The following SLC24A2 variants were observed in gnomAD, a reference collection of about 807,000 sequenced individuals.
The protein encoded by SLC24A2 is solute carrier family 24 member 2.
SLC24A2 carries 36 observed loss-of-function variants against 62.0 expected under a neutral mutation model. The observed-to-expected ratio is 0.58, with a 90% CI of 0.44 to 0.77. SLC24A2 has a LOEUF of 0.77. Ranked by LOEUF, SLC24A2 falls within the 30% of genes least tolerant of loss-of-function variation. SLC24A2 has a pLI of 0.00. For missense variants in SLC24A2, 846 were observed against 817.9 expected (o/e 1.03, Z -0.42); for synonymous variants, 358 against 294.0 (o/e 1.22, Z -2.23).
intron 2 of SLC24A2, among the ~76,000 whole-genome samples, chr9:19,734,973 C>A (rs1162312739): frequency 6.6e-6 from 1 of 151,990 alleles, no homozygotes; most frequent in Non-Finnish European, 1.5e-5. Context: ...GTCTAAAACA[C>A]CAAAAGCAAT....
At chr9:19,934,515 T>G in the SLC24A2 span, among the ~76,000 whole-genome samples, 1 of 151,838 alleles carries the variant, frequency 6.6e-6, no homozygotes, top group Non-Finnish European at 1.5e-5. This position sits in a 1 kb window ranked among gnomAD's most constrained non-coding sequence, Gnocchi z 4.1. Context: ...CGCACCCCCG[T>G]TCCGGCCCCC....
intron 2 of SLC24A2, among the ~76,000 whole-genome samples, chr9:19,769,188 C>A (rs2118885222): frequency 6.6e-6 from 1 of 152,328 alleles, no homozygotes; most frequent in East Asian, 1.9e-4. Flanking sequence ...CTTCTAGTTA[C>A]ACAGGACAAA....
the SLC24A2 span, among the ~76,000 whole-genome samples, chr9:19,960,899 G>A: frequency 1.3e-5 from 2 of 152,012 alleles, no homozygotes; most frequent in East Asian, 3.9e-4. Flanking sequence ...TAAATTATTG[G>A]CTATATCATC....
intron 2 of SLC24A2, among the ~76,000 whole-genome samples, chr9:19,687,901 A>T (rs890569975): frequency 6.4e-4 from 98 of 152,238 alleles, no homozygotes; most frequent in African/African-American, 2.2e-3. Context: ...CAGACAAGGC[A>T]GTTCAGTGGG....
At chr9:20,265,533 G>A in the SLC24A2 span, among the ~76,000 whole-genome samples, 82 of 152,218 alleles carry the variant, frequency 5.4e-4, 1 homozygote, top group Non-Finnish European at 3.4e-4. Context: ...TGATTTCCTA[G>A]GCCTGTCTTT....
intron 7 of SLC24A2, among the ~76,000 whole-genome samples, chr9:19,552,574 A>G (rs1020057747): frequency 6.6e-6 from 1 of 151,980 alleles, no homozygotes; most frequent in Admixed American, 6.6e-5. Flanking sequence ...CAAGCTGATG[A>G]GTTCATTAAG....
chr9:19,651,821 C>A (rs1045047273), intron 2 of SLC24A2, among the ~76,000 whole-genome samples: 6 of 152,188 alleles, frequency 3.9e-5, no homozygotes, highest in African/African-American at 1.4e-4. Context: ...AGCATCTACC[C>A]GCTCCTGATT....
chr9:19,783,845 A>G (rs1823084409), intron 2 of SLC24A2, among the ~76,000 whole-genome samples: 1 of 152,056 alleles, frequency 6.6e-6, no homozygotes, highest in Non-Finnish European at 1.5e-5. Context: ...TACTTCCATT[A>G]GTTAACCAAT....
chr9:20,013,376 G>A, the SLC24A2 span, among the ~76,000 whole-genome samples: 1 of 152,078 alleles, frequency 6.6e-6, no homozygotes, highest in Non-Finnish European at 1.5e-5. Flanking sequence ...AGTAAAATTA[G>A]AGCCTTATAG....
the SLC24A2 span, among the ~76,000 whole-genome samples, chr9:20,242,129 A>G: frequency 6.6e-6 from 1 of 152,036 alleles, no homozygotes; most frequent in Non-Finnish European, 1.5e-5. Flanking sequence ...GCCACAGGAG[A>G]TTTGACATTC....
the SLC24A2 span, among the ~76,000 whole-genome samples, chr9:20,254,096 CA>C: frequency 6.6e-6 from 1 of 152,200 alleles, no homozygotes; most frequent in Non-Finnish European, 1.5e-5. Flanking sequence ...TTTCAGAATT[CA>C]GACCTGCTTT....
chr9:20,223,896 G>C, the SLC24A2 span, among the ~76,000 whole-genome samples: 1 of 152,118 alleles, frequency 6.6e-6, no homozygotes, highest in East Asian at 1.9e-4. Flanking sequence ...GTTCTGCATG[G>C]CTGAGGAGGC....
intron 8 of SLC24A2, among the ~76,000 whole-genome samples, chr9:19,536,886 T>C (rs1227875575): frequency 7.4e-5 from 9 of 120,830 alleles, no homozygotes; most frequent in Non-Finnish European, 1.2e-4. Flanking sequence ...ATTTTAATGA[T>C]TGCCATTCTA....
chr9:19,778,559 G>C (rs1055202329), intron 2 of SLC24A2, among the ~76,000 whole-genome samples: 2 of 152,182 alleles, frequency 1.3e-5, no homozygotes, highest in African/African-American at 4.8e-5. Context: ...GAAGAAAGAT[G>C]AATCTCCCTT....
chr9:20,074,422 G>T, the SLC24A2 span, among the ~76,000 whole-genome samples: 13 of 151,942 alleles, frequency 8.6e-5, no homozygotes, highest in South Asian at 2.7e-3. Flanking sequence ...TAACCATGGA[G>T]TCCAACAATT....
chr9:20,015,283 G>T, the SLC24A2 span, among the ~76,000 whole-genome samples: 1 of 152,204 alleles, frequency 6.6e-6, no homozygotes, highest in African/African-American at 2.4e-5. Context: ...GCTGGAACCT[G>T]CATCAGCCTC....
intron 2 of SLC24A2, among the ~76,000 whole-genome samples, chr9:19,729,151 G>T (rs1402668694): frequency 6.6e-6 from 1 of 152,134 alleles, no homozygotes; most frequent in Non-Finnish European, 1.5e-5. Flanking sequence ...CCACATCACT[G>T]ATCAGGGAAA....
At chr9:19,959,161 T>A in the SLC24A2 span, among the ~76,000 whole-genome samples, 1 of 152,124 alleles carries the variant, frequency 6.6e-6, no homozygotes, top group African/African-American at 2.4e-5. Flanking sequence ...TGGCAGAACA[T>A]AGGAGAAGAA....
the SLC24A2 span, among the ~76,000 whole-genome samples, chr9:20,046,301 G>T: frequency 6.6e-6 from 1 of 152,216 alleles, no homozygotes; most frequent in African/African-American, 2.4e-5. Context: ...AGTAAGGAAA[G>T]AAAAAGAAAG....
Sources: allele counts gnomAD v4.1 joint callset (sites outside exome capture counted in the v4.1 genomes callset), GRCh38; gene constraint gnomAD v4.1.1; non-coding constraint Gnocchi (gnomAD v3.1); transcripts MANE v1.5; gene names NCBI Gene and HGNC (gene_info 2026-07-23, HGNC 2026-07-21).